CLDN10: variants seen among roughly 807,000 people sequenced by gnomAD.
CLDN10 encodes claudin-10.
Under a neutral mutation model 22.9 loss-of-function variants are expected in CLDN10, and 15 were observed. The ratio of observed to expected loss-of-function variants is 0.65; its 90% CI spans 0.44 to 1.01. The LOEUF (loss-of-function observed/expected upper bound fraction) is 1.01. Ranked by LOEUF, CLDN10 falls within the 50% of genes least tolerant of loss-of-function variation. CLDN10 has a pLI of 0.00. For missense variants in CLDN10, 247 were observed against 287.8 expected, an observed-to-expected ratio of 0.86 and a Z score of 1.03; for synonymous variants, 114 against 111.4, an observed-to-expected ratio of 1.02 and a Z score of -0.15.
At chr13:95,556,571 T>G (rs1384373903) in intron 1 of CLDN10, among the ~76,000 whole-genome samples, 1 of 152,242 alleles carries the variant, frequency 6.6e-6, no homozygotes, top group Non-Finnish European at 1.5e-5. Context: ...TCCATATTAT[T>G]CATCCTGTGA....
chr13:95,578,212 T>A lies in CLDN10; in HGVS notation c.*198T>A. On this transcript the variant is annotated 3_prime_UTR_variant, in exon 5 of 5. Coordinates refer to ENST00000299339, the MANE Select transcript of CLDN10 (RefSeq NM_006984.5). ...AATCATTTTCTGTTGTGGCTTTCTA[T>A]AAAAAATAAACAGTTTATTTACAGG... 2.6e-6 allele frequency: 1 copy of A among 389,840 alleles called. No homozygotes were observed. Among genetic ancestry groups the A allele is most frequent in the Non-Finnish European group, 4.6e-6 (1 of 218,566 alleles). The allele number at this position is 389,840 out of a possible 1,614,324, so 24.1% of individuals were successfully genotyped here.
chr13:95,474,811 T>A (rs556616033), intron 1 of CLDN10, among the ~76,000 whole-genome samples: 56 of 151,478 alleles, frequency 3.7e-4, no homozygotes, highest in South Asian at 2.5e-3. Flanking sequence ...GGAAGCTCAT[T>A]CCAGGGGGTA....
intron 1 of CLDN10, among the ~76,000 whole-genome samples, chr13:95,467,978 T>A (rs921701130): frequency 1.1e-4 from 17 of 152,212 alleles, no homozygotes; most frequent in Non-Finnish European, 2.2e-4. Flanking sequence ...GGCCTTCAAC[T>A]GTAGGATGAG....
intron 1 of CLDN10, among the ~76,000 whole-genome samples, chr13:95,447,172 C>G (rs2042388919): frequency 6.6e-6 from 1 of 152,168 alleles, no homozygotes; most frequent in Non-Finnish European, 1.5e-5. Flanking sequence ...GTGAGGTGGG[C>G]AGGGGAAAAT....
intron 1 of CLDN10, among the ~76,000 whole-genome samples, chr13:95,457,232 G>A (rs2042490801): frequency 1.3e-5 from 2 of 152,058 alleles, no homozygotes. Context: ...CATCTCTGGA[G>A]ATTATTCCAG....
At chr13:95,537,166 G>C (rs1490853212) in intron 1 of CLDN10, among the ~76,000 whole-genome samples, 1 of 152,170 alleles carries the variant, frequency 6.6e-6, no homozygotes, top group Non-Finnish European at 1.5e-5. Context: ...AAACCTCTCT[G>C]TTTACAATCT....
chr13:95,444,990 G>T (rs2139070487), intron 1 of CLDN10, among the ~76,000 whole-genome samples: 1 of 152,298 alleles, frequency 6.6e-6, no homozygotes, highest in East Asian at 1.9e-4. Flanking sequence ...TGGCCAGGCT[G>T]GTCTCGAACT....
At chr13:95,526,996 A>G (rs2043288484) in intron 1 of CLDN10, among the ~76,000 whole-genome samples, 1 of 152,110 alleles carries the variant, frequency 6.6e-6, no homozygotes, top group African/African-American at 2.4e-5. Flanking sequence ...TCAGGTGAGG[A>G]GGGAGGATTT....
At chr13:95,520,361 A>G (rs1003065330) in intron 1 of CLDN10, among the ~76,000 whole-genome samples, 17 of 152,060 alleles carry the variant, frequency 1.1e-4, no homozygotes, top group African/African-American at 3.6e-4. Flanking sequence ...TAGATGGAAA[A>G]AAGTTCCCAT....
At chr13:95,564,352 T>C (rs2138666352) in intron 3 of CLDN10, among the ~76,000 whole-genome samples, 1 of 152,346 alleles carries the variant, frequency 6.6e-6, no homozygotes, top group South Asian at 2.1e-4. Flanking sequence ...TTCTTCCCAT[T>C]ATTATCTTAC....
intron 1 of CLDN10, among the ~76,000 whole-genome samples, chr13:95,487,135 T>G (rs2042813129): frequency 6.6e-6 from 1 of 152,216 alleles, no homozygotes. Context: ...CACAGGCAAT[T>G]TGTTCTGGCA....
At chr13:95,509,980 T>C (rs1049231216) in intron 1 of CLDN10, among the ~76,000 whole-genome samples, 2 of 152,212 alleles carry the variant, frequency 1.3e-5, no homozygotes, top group African/African-American at 4.8e-5. Flanking sequence ...GCATTTGTCA[T>C]TTTCTGTGGT....
chr13:95,498,799 C>G (rs4773911), intron 1 of CLDN10, among the ~76,000 whole-genome samples: 64,224 of 152,114 alleles, frequency 0.42, 14,849 homozygotes, highest in Non-Finnish European at 0.51. Flanking sequence ...ATAGTGTTAA[C>G]TACGTTCACA....
chr13:95,441,198 G>A (rs138784123), intron 1 of CLDN10, among the ~76,000 whole-genome samples: 1,523 of 152,288 alleles, frequency 0.01, 26 homozygotes, highest in African/African-American at 0.035. Context: ...CTAGAAAAGG[G>A]AGAAAGTCCT....
intron 1 of CLDN10, among the ~76,000 whole-genome samples, chr13:95,536,571 A>G (rs1860723425): frequency 6.6e-6 from 1 of 152,204 alleles, no homozygotes; most frequent in African/African-American, 2.4e-5. Flanking sequence ...CCTAAAAATC[A>G]TTACTTTGTA....
At chr13:95,563,026 C>G (rs556523693) in intron 3 of CLDN10, among the ~76,000 whole-genome samples, 1 of 152,062 alleles carries the variant, frequency 6.6e-6, no homozygotes, top group African/African-American at 2.4e-5. Context: ...TTTTCAACCT[C>G]TTGGTGCTAC....
chr13:95,444,135 C>A (rs2042349646), intron 1 of CLDN10, among the ~76,000 whole-genome samples: 2 of 152,206 alleles, frequency 1.3e-5, no homozygotes, highest in Admixed American at 1.3e-4. Context: ...GTCTCCACCG[C>A]ACAGCTTTCC....
At chr13:95,472,431 C>T (rs1172203966) in intron 1 of CLDN10, among the ~76,000 whole-genome samples, 1 of 152,072 alleles carries the variant, frequency 6.6e-6, no homozygotes, top group Non-Finnish European at 1.5e-5. Context: ...TCTGTAATTC[C>T]AGCACTTTGG....
chr13:95,488,627 G>A (rs1389645169), intron 1 of CLDN10, among the ~76,000 whole-genome samples: 2 of 151,996 alleles, frequency 1.3e-5, no homozygotes, highest in Non-Finnish European at 2.9e-5. Context: ...TTGGTTTTCC[G>A]TTCCTGAGTT....
Sources: allele counts gnomAD v4.1 joint callset (sites outside exome capture counted in the v4.1 genomes callset), GRCh38; gene constraint gnomAD v4.1.1; transcripts MANE v1.5; gene names NCBI Gene and HGNC (gene_info 2026-07-23, HGNC 2026-07-21).